The following ETFA variants were observed in gnomAD, a reference collection of about 807,000 sequenced individuals.
ETFA encodes electron transfer flavoprotein subunit alpha, mitochondrial.
A neutral mutation model predicts 46.2 loss-of-function variants in ETFA; 22 were observed. The ratio of observed to expected loss-of-function variants is 0.48; its 90% CI spans 0.34 to 0.68. The LOEUF (loss-of-function observed/expected upper bound fraction) is 0.68. Ranked by LOEUF, ETFA falls within the 30% of genes least tolerant of loss-of-function variation. ETFA has a pLI of 0.01. For missense variants in ETFA, 345 were observed against 401.1 expected (o/e 0.86, Z 1.19); for synonymous variants, 131 against 139.9 (o/e 0.94, Z 0.45).
intron 9 of ETFA, among the ~76,000 whole-genome samples, chr15:76,250,562 T>C (rs955823351): frequency 1.3e-5 from 2 of 152,310 alleles, no homozygotes; most frequent in South Asian, 2.1e-4. Context: ...CTTTTTTTTC[T>C]TGCTCTGTTG....
chr15:76,221,855 T>C (rs990604934), intron 11 of ETFA, among the ~76,000 whole-genome samples: 1 of 152,210 alleles, frequency 6.6e-6, no homozygotes. Flanking sequence ...TAACTAATGA[T>C]TGTTGAAGGG....
At chr15:76,272,181 G>C (rs1181683960) in intron 9 of ETFA, among the ~76,000 whole-genome samples, 1 of 150,396 alleles carries the variant, frequency 6.6e-6, no homozygotes, top group Non-Finnish European at 1.5e-5. Context: ...GTCAAAATAA[G>C]TCTCTGTCAC....
intron 4 of ETFA, among the ~76,000 whole-genome samples, chr15:76,291,163 C>T (rs1398890166): frequency 6.6e-6 from 1 of 152,156 alleles, no homozygotes; most frequent in Non-Finnish European, 1.5e-5. Flanking sequence ...GTATGTTGAG[C>T]TACAATCGTG....
At chr15:76,237,216 C>T (rs1461822895) in intron 9 of ETFA, among the ~76,000 whole-genome samples, 5 of 152,104 alleles carry the variant, frequency 3.3e-5, no homozygotes, top group Non-Finnish European at 7.4e-5. Context: ...CCTCGCCCGG[C>T]TAATTTTTGT....
intron 1 of ETFA, among the ~76,000 whole-genome samples, chr15:76,303,210 C>T (rs12443449): frequency 0.28 from 42,986 of 151,708 alleles, 6,507 homozygotes; most frequent in East Asian, 0.58. Context: ...CCGAAGGCTG[C>T]GGCAGGAGAA....
intron 8 of ETFA, among the ~76,000 whole-genome samples, chr15:76,279,153 C>T (rs1270283007): frequency 6.6e-6 from 1 of 152,150 alleles, no homozygotes; most frequent in Non-Finnish European, 1.5e-5. Context: ...CCAACTCCAG[C>T]CCTCCCATTC....
Position 76,274,422 on chromosome 15 carries a change from A to G in ETFA, c.806T>C (p.Ile269Thr), listed in dbSNP as rs1339193393. ...TATTGCAATACTTACTGGTGCTACT[A>G]TTTTTCCCGTCTGTCCAACTTGCAT... is the stretch of plus-strand genomic sequence containing the variant. ...NDMQVGQTGK[I>T]VAPELYIAVG... is the part of the protein sequence containing the mutation. The change falls in exon 9 of 12, where the codon ATA becomes ACA. Residue 269 changes from isoleucine to threonine, a missense_variant. Coordinates refer to ENST00000557943, the MANE Select transcript of ETFA (RefSeq NM_000126.4). 4.3e-6 allele frequency: 7 copies of G among 1,609,388 alleles called. No homozygotes were observed. The highest frequency in any genetic ancestry group is 1.1e-5 in the South Asian group (1 of 90,226).
At chr15:76,229,389 A>G (rs1329917811) in intron 10 of ETFA, among the ~76,000 whole-genome samples, 3 of 152,174 alleles carry the variant, frequency 2.0e-5, no homozygotes, top group Non-Finnish European at 2.9e-5. Context: ...GACCCCCAAC[A>G]CCAGTCTCCT....
intron 1 of ETFA, among the ~76,000 whole-genome samples, chr15:76,304,926 C>T (rs2039924601): frequency 6.6e-6 from 1 of 151,894 alleles, no homozygotes; most frequent in South Asian, 2.1e-4. Flanking sequence ...ACCTGTAGTC[C>T]CAGCTACTTG....
chr15:76,302,384 A>AC (rs1264215248), intron 1 of ETFA, among the ~76,000 whole-genome samples: 1 of 4,154 alleles, frequency 2.4e-4, no homozygotes, highest in Non-Finnish European at 2.1e-3. Context: ...TTACTTAGTG[A>AC]AAAAAAAAAC....
intron 9 of ETFA, among the ~76,000 whole-genome samples, chr15:76,257,811 A>G (rs1453316726): frequency 1.3e-5 from 2 of 151,956 alleles, no homozygotes; most frequent in Non-Finnish European, 2.9e-5. Flanking sequence ...AATGTGGCAC[A>G]TATACACCAT....
chr15:76,228,183 T>C (rs143185297), intron 10 of ETFA: 2 of 357,840 alleles, frequency 5.6e-6, no homozygotes, highest in East Asian at 7.3e-5. Flanking sequence ...TATATAACAA[T>C]TGTTATTATC....
chr15:76,272,222 CTT>C (rs561675037), intron 9 of ETFA, among the ~76,000 whole-genome samples: 37 of 137,236 alleles, frequency 2.7e-4, no homozygotes, highest in Admixed American at 4.4e-4. Context: ...TTCTTTCTTT[CTT>C]TTTTTTTTTT....
chr15:76,265,141 C>A (rs2039457719), intron 9 of ETFA, among the ~76,000 whole-genome samples: 1 of 152,178 alleles, frequency 6.6e-6, no homozygotes, highest in African/African-American at 2.4e-5. Flanking sequence ...TCCTAGGGAG[C>A]CACCAAAGAA....
chr15:76,310,728 A>G (rs1223261489), intron 1 of ETFA, among the ~76,000 whole-genome samples: 1 of 152,230 alleles, frequency 6.6e-6, no homozygotes, highest in African/African-American at 2.4e-5. Flanking sequence ...GCCTTTCAAA[A>G]CTGGCTAAAG....
intron 9 of ETFA, chr15:76,260,515 T>C: frequency 2.0e-6 from 3 of 1,494,888 alleles, no homozygotes; most frequent in Non-Finnish European, 9.3e-7. Flanking sequence ...CCAACTGCAC[T>C]GGAGACACAC....
At chr15:76,239,955 G>C (rs1310248305) in intron 9 of ETFA, among the ~76,000 whole-genome samples, 1 of 152,134 alleles carries the variant, frequency 6.6e-6, no homozygotes, top group East Asian at 1.9e-4. Context: ...CAATTAGAAA[G>C]CCTCTAATGC....
chr15:76,227,906 C>G (rs1351253373), intron 10 of ETFA: 1 of 456,054 alleles, frequency 2.2e-6, no homozygotes, highest in South Asian at 1.5e-5. Context: ...AACTGCTAAT[C>G]CAGAGAAACA....
At chr15:76,234,527 G>A (rs2039102527) in intron 9 of ETFA, among the ~76,000 whole-genome samples, 1 of 152,176 alleles carries the variant, frequency 6.6e-6, no homozygotes, top group African/African-American at 2.4e-5. Context: ...GAGAGATGTT[G>A]CCAGGGAGTA....
Sources: allele counts gnomAD v4.1 joint callset (sites outside exome capture counted in the v4.1 genomes callset), GRCh38; gene constraint gnomAD v4.1.1; transcripts MANE v1.5; gene names NCBI Gene and HGNC (gene_info 2026-07-23, HGNC 2026-07-21).